SNTG2: variants seen among roughly 807,000 people sequenced by gnomAD.
SNTG2 encodes gamma-2-syntrophin.
In SNTG2, 74 loss-of-function variants were observed where a neutral mutation model predicts 70.9. That is an observed-to-expected ratio of 1.04 (90% confidence interval 0.86 to 1.27). SNTG2 has a LOEUF of 1.27. Ranked by LOEUF, SNTG2 falls within the 50% of genes most tolerant of loss-of-function variation. SNTG2 has a pLI of 0.00. For synonymous variants in SNTG2, 278 were observed against 273.8 expected (o/e 1.02, Z -0.15); for missense variants, 717 against 690.7 (o/e 1.04, Z -0.43).
chr2:1,350,681 T>C (rs1031152163), intron 16 of SNTG2, among the ~76,000 whole-genome samples: 6 of 152,246 alleles, frequency 3.9e-5, no homozygotes, highest in South Asian at 4.1e-4. Flanking sequence ...GAACAGTGAT[T>C]GTAAGAAGTC....
chr2:1,361,721 G>A lies in SNTG2; in HGVS notation c.1489-5622G>A, dbSNP rs1404401796. Among the ~76,000 whole-genome samples, 98 of 135,324 alleles carry A rather than the reference G, an allele frequency of 7.2e-4. 1 individual carries two copies. Among genetic ancestry groups the A allele is most frequent in the Middle Eastern group, 3.8e-3 (1 of 260 alleles). 88.8% of individuals were successfully genotyped at this position (135,324 alleles called of 152,430 possible). A position where few individuals can be genotyped will look rare whatever the true frequency, so the allele number is the denominator to read the frequency against. On this transcript the variant is annotated intron_variant, in intron 16 of 16. Transcript: ENST00000308624. Reference sequence around the variant, plus strand: ...CAGTAGAACTTCTGTGAAGGTCACCGATGCTGAGCATTTCAGTAGAACTTC... The same window carrying A: ...CAGTAGAACTTCTGTGAAGGTCACCAATGCTGAGCATTTCAGTAGAACTTC...
At chr2:1,135,010 G>A (rs902713304) in intron 4 of SNTG2, among the ~76,000 whole-genome samples, 3 of 152,172 alleles carry the variant, frequency 2.0e-5, no homozygotes, top group South Asian at 2.1e-4. Context: ...GCAATTCATC[G>A]TCATCTCATT....
chr2:1,098,205 GT>G lies in SNTG2; in HGVS notation c.222del (p.Thr75HisfsTer12). On this transcript the variant is annotated frameshift_variant, in exon 3 of 17. Coordinates refer to ENST00000308624, the MANE Select transcript of SNTG2 (RefSeq NM_018968.4). LOFTEE classifies it high-confidence loss of function. The part of the protein sequence containing the change: ...GSHQGRNRRT[V>X]TLRRQPVGGL... Reference sequence around the variant, plus strand: ...CTAAAATGTTTTAAAGCGCAGAACTGTTACACTCCGCAGACAGCCAGTTGGC... The same window carrying G: ...CTAAAATGTTTTAAAGCGCAGAACTGTACACTCCGCAGACAGCCAGTTGGC... The G allele has an allele frequency of 6.2e-7, 1 of 1,614,036 alleles. No individual in the cohort carries two copies. The highest frequency in any genetic ancestry group is 2.2e-5 in the East Asian group (1 of 44,878).
intron 6 of SNTG2, among the ~76,000 whole-genome samples, chr2:1,142,622 T>C (rs1668832810): frequency 6.6e-6 from 1 of 152,220 alleles, no homozygotes; most frequent in Non-Finnish European, 1.5e-5. Context: ...CTATGGCAAC[T>C]CAACCACACT....
chr2:1,209,769 A>G (rs1572733271), intron 9 of SNTG2, among the ~76,000 whole-genome samples: 4 of 152,240 alleles, frequency 2.6e-5, no homozygotes, highest in African/African-American at 9.6e-5. Context: ...ATGCTTGGCT[A>G]ATTGTGCTAT....
chr2:1,341,846 CTTT>C (rs368695045), intron 16 of SNTG2: 13 of 137,254 alleles, frequency 9.5e-5, no homozygotes, highest in Non-Finnish European at 1.1e-4. Flanking sequence ...ATTTTTATCG[CTTT>C]TTTTTTTTTT....
intron 1 of SNTG2, among the ~76,000 whole-genome samples, chr2:959,258 G>A (rs187470562): frequency 5.5e-4 from 84 of 152,212 alleles, no homozygotes; most frequent in Admixed American, 4.1e-3. Flanking sequence ...TGTGAATTAC[G>A]TGCTTTGTAA....
intron 7 of SNTG2, among the ~76,000 whole-genome samples, chr2:1,170,926 A>C (rs1025441914): frequency 6.6e-6 from 1 of 152,038 alleles, no homozygotes; most frequent in Non-Finnish European, 1.5e-5. Context: ...GTGGCTGCCA[A>C]ATTATTTTCC....
intron 14 of SNTG2, among the ~76,000 whole-genome samples, chr2:1,273,788 A>G (rs1372492667): frequency 1.3e-5 from 2 of 151,994 alleles, no homozygotes; most frequent in African/African-American, 2.4e-5. Context: ...AGCACAAACC[A>G]TGAAAAAAAA....
chr2:1,300,469 C>A (rs1434439164), intron 14 of SNTG2, among the ~76,000 whole-genome samples: 11 of 152,166 alleles, frequency 7.2e-5, no homozygotes, highest in Non-Finnish European at 2.9e-5. Flanking sequence ...CAGCATTTCC[C>A]CCTGGACACA....
intron 1 of SNTG2, among the ~76,000 whole-genome samples, chr2:1,066,810 G>A (rs139201186): frequency 6.4e-4 from 98 of 152,138 alleles, no homozygotes; most frequent in African/African-American, 2.3e-3. Context: ...ACCGTAGAAC[G>A]GTCGTCTTTG....
intron 1 of SNTG2, among the ~76,000 whole-genome samples, chr2:1,042,598 A>G (rs904217746): frequency 6.6e-6 from 1 of 152,126 alleles, no homozygotes; most frequent in Non-Finnish European, 1.5e-5. Flanking sequence ...TTTAGCTCCC[A>G]CTTACAAATG....
At chr2:1,177,493 T>TA (rs1671558781) in intron 8 of SNTG2, among the ~76,000 whole-genome samples, 2 of 129,708 alleles carry the variant, frequency 1.5e-5, no homozygotes, top group African/African-American at 6.1e-5. Flanking sequence ...AAAATAAAAA[T>TA]TAAAAAAAAA....
chr2:1,170,822 G>A (rs1433063506), intron 7 of SNTG2, among the ~76,000 whole-genome samples: 1 of 152,090 alleles, frequency 6.6e-6, no homozygotes, highest in Admixed American at 6.5e-5. Flanking sequence ...ATCCGTGAAT[G>A]CGTTTTTCTT....
intron 1 of SNTG2, among the ~76,000 whole-genome samples, chr2:992,862 A>G (rs534322174): frequency 1.3e-5 from 2 of 152,282 alleles, no homozygotes; most frequent in South Asian, 4.1e-4. Flanking sequence ...TTTGTTGTGT[A>G]TTCACAGAGC....
At chr2:1,300,714 C>T (rs1680424687) in intron 14 of SNTG2, among the ~76,000 whole-genome samples, 1 of 152,122 alleles carries the variant, frequency 6.6e-6, no homozygotes, top group Non-Finnish European at 1.5e-5. Flanking sequence ...TGTATGTTGT[C>T]TATGATACTT....
intron 8 of SNTG2, among the ~76,000 whole-genome samples, chr2:1,173,402 A>T (rs544034985): frequency 6.6e-6 from 1 of 152,338 alleles, no homozygotes; most frequent in South Asian, 2.1e-4. Flanking sequence ...TTTTAAGTTC[A>T]TAATTCACAG....
At chr2:1,031,600 G>A (rs1176346087) in intron 1 of SNTG2, among the ~76,000 whole-genome samples, 1 of 141,148 alleles carries the variant, frequency 7.1e-6, no homozygotes, top group Non-Finnish European at 1.5e-5. Context: ...GTGCGATCTT[G>A]GCTCACTGCA....
At chr2:1,251,046 A>G (rs1190919540) in intron 12 of SNTG2, among the ~76,000 whole-genome samples, 2 of 152,170 alleles carry the variant, frequency 1.3e-5, no homozygotes, top group Non-Finnish European at 2.9e-5. Flanking sequence ...GCTTCTTTCC[A>G]TCATTGTGGT....
Sources: allele counts gnomAD v4.1 joint callset (sites outside exome capture counted in the v4.1 genomes callset), GRCh38; gene constraint gnomAD v4.1.1; transcripts MANE v1.5; gene names NCBI Gene and HGNC (gene_info 2026-07-23, HGNC 2026-07-21).